The following PRDM5 variants were observed in gnomAD, a reference collection of about 807,000 sequenced individuals.
PRDM5 encodes PR domain zinc finger protein 5.
A neutral mutation model predicts 81.2 loss-of-function variants in PRDM5; 56 were observed. The observed-to-expected ratio is 0.69, with a 90% CI of 0.56 to 0.86. The LOEUF (loss-of-function observed/expected upper bound fraction) is 0.86, where lower values mean the gene tolerates loss of function less well. PRDM5 is among the 40% of genes least tolerant of loss of function. The pLI, the probability that PRDM5 is intolerant of heterozygous loss-of-function variation, is 0.00. For missense variants in PRDM5, 697 were observed against 770.1 expected, an observed-to-expected ratio of 0.91 and a Z score of 1.12; for synonymous variants, 267 against 256.4, an observed-to-expected ratio of 1.04 and a Z score of -0.39.
chr4:120,892,977 TAG>T (rs944796922), intron 2 of PRDM5, among the ~76,000 whole-genome samples: 4 of 151,618 alleles, frequency 2.6e-5, no homozygotes, highest in Admixed American at 2.6e-4. Flanking sequence ...GAAGGGGGAG[TAG>T]AGCAATCTTA....
chr4:120,763,754 T>C (rs1360625702), intron 13 of PRDM5, among the ~76,000 whole-genome samples: 4 of 152,174 alleles, frequency 2.6e-5, no homozygotes, highest in Non-Finnish European at 5.9e-5. Flanking sequence ...CCAATATTTA[T>C]GAGTATAGTT....
intron 14 of PRDM5, among the ~76,000 whole-genome samples, chr4:120,749,273 G>C (rs944103245): frequency 2.6e-5 from 4 of 152,126 alleles, no homozygotes; most frequent in African/African-American, 9.7e-5. Flanking sequence ...TCACAAAATG[G>C]GTAGGAAGAA....
At chr4:120,685,807 CTTT>C (rs1432826712) in intron 1 of PRDM5, among the ~76,000 whole-genome samples, 1 of 152,046 alleles carries the variant, frequency 6.6e-6, no homozygotes, top group East Asian at 1.9e-4. Context: ...AATTTATGGT[CTTT>C]CTTCCCTCCT....
At chr4:120,885,728 A>C (rs1284184195) in intron 2 of PRDM5, 1 of 151,928 alleles carries the variant, frequency 6.6e-6, no homozygotes, top group East Asian at 1.9e-4. Flanking sequence ...CAGGAGGCAG[A>C]GGCTGCAGTG....
chr4:120,790,246 C>T (rs1750371827), intron 10 of PRDM5, among the ~76,000 whole-genome samples: 1 of 152,190 alleles, frequency 6.6e-6, no homozygotes, highest in Non-Finnish European at 1.5e-5. Context: ...TTACAGCTAA[C>T]TTAGAGCGTG....
chr4:120,711,297 T>C (rs772890430), intron 14 of PRDM5, among the ~76,000 whole-genome samples: 11 of 152,102 alleles, frequency 7.2e-5, no homozygotes, highest in East Asian at 3.9e-4. Context: ...CTGTGATTTA[T>C]GTATTTCCTT....
At chr4:120,873,073 CT>C (rs1391274100) in intron 2 of PRDM5, among the ~76,000 whole-genome samples, 1 of 152,066 alleles carries the variant, frequency 6.6e-6, no homozygotes, top group Non-Finnish European at 1.5e-5. Flanking sequence ...TCAATCTCTG[CT>C]CACTGCAACC....
At chr4:120,884,919 G>A (rs924817182) in intron 2 of PRDM5, among the ~76,000 whole-genome samples, 1 of 151,782 alleles carries the variant, frequency 6.6e-6, no homozygotes, top group African/African-American at 2.4e-5. Flanking sequence ...ATCCCAGCGA[G>A]TCGGGTGGAT....
At chr4:120,818,257 C>A in intron 5 of PRDM5, 96 bp downstream of exon 5, 5 of 832,656 alleles carry the variant, frequency 6.0e-6, no homozygotes, top group Middle Eastern at 4.0e-4. Context: ...TGCGCGCGTG[C>A]ACACACACAC....
chr4:120,791,543 A>C (rs984975415), intron 10 of PRDM5, among the ~76,000 whole-genome samples: 9 of 152,334 alleles, frequency 5.9e-5, no homozygotes, highest in Admixed American at 4.6e-4. Context: ...CTATGGTAGA[A>C]TACTTCGCTT....
intron 4 of PRDM5, among the ~76,000 whole-genome samples, chr4:120,819,629 A>G (rs1019268099): frequency 1.3e-5 from 2 of 152,196 alleles, no homozygotes; most frequent in South Asian, 4.1e-4. Flanking sequence ...TTACAAAGAT[A>G]ATGAAAACTG....
intron 3 of PRDM5, among the ~76,000 whole-genome samples, chr4:120,833,053 T>G (rs1206662955): frequency 1.3e-5 from 2 of 152,152 alleles, no homozygotes; most frequent in African/African-American, 4.8e-5. Context: ...CTGGACTTTA[T>G]ATGCTCTCAG....
At chr4:120,853,160 C>T (rs1460031658) in intron 3 of PRDM5, among the ~76,000 whole-genome samples, 8 of 152,052 alleles carry the variant, frequency 5.3e-5, no homozygotes, top group Non-Finnish European at 7.4e-5. Context: ...TACCTGAAAG[C>T]GAGATCTGCC....
chr4:120,798,652 A>C (rs1751680930), intron 9 of PRDM5, among the ~76,000 whole-genome samples: 1 of 152,210 alleles, frequency 6.6e-6, no homozygotes, highest in South Asian at 2.1e-4. Context: ...AGTAGCTTAG[A>C]TATAAAGAAA....
chr4:120,790,247 T>C (rs1368100672), intron 10 of PRDM5, among the ~76,000 whole-genome samples: 1 of 152,204 alleles, frequency 6.6e-6, no homozygotes, highest in Non-Finnish European at 1.5e-5. Flanking sequence ...TACAGCTAAC[T>C]TAGAGCGTGC....
intron 14 of PRDM5, among the ~76,000 whole-genome samples, chr4:120,753,253 C>T (rs1744261025): frequency 6.6e-6 from 1 of 152,142 alleles, no homozygotes; most frequent in South Asian, 2.1e-4. Context: ...CTAATTTAAA[C>T]CTCTTTCATA....
At chr4:120,857,515 G>A (rs967282729) in intron 2 of PRDM5, among the ~76,000 whole-genome samples, 2 of 152,208 alleles carry the variant, frequency 1.3e-5, no homozygotes, top group Non-Finnish European at 1.5e-5. Context: ...TCTAGCCTCT[G>A]TTGAATGCTA....
chr4:120,872,381 AATCCTATTGC>A (rs1761922606), intron 2 of PRDM5, among the ~76,000 whole-genome samples: 1 of 152,152 alleles, frequency 6.6e-6, no homozygotes, highest in Admixed American at 6.5e-5. Context: ...AAAGGAAGGA[AATCCTATTGC>A]ACACTACAGC....
chr4:120,801,307 G>T (rs1329195700), intron 8 of PRDM5, among the ~76,000 whole-genome samples: 1 of 152,172 alleles, frequency 6.6e-6, no homozygotes, highest in Non-Finnish European at 1.5e-5. Context: ...GGAGGACTCG[G>T]CTGGCCCCTG....
Sources: allele counts gnomAD v4.1 joint callset (sites outside exome capture counted in the v4.1 genomes callset), GRCh38; gene constraint gnomAD v4.1.1; transcripts MANE v1.5; gene names NCBI Gene and HGNC (gene_info 2026-07-23, HGNC 2026-07-21).